The following NPAS3 variants were observed in gnomAD, a reference collection of about 807,000 sequenced individuals.
The protein encoded by NPAS3 is neuronal PAS domain protein 3.
A neutral mutation model predicts 73.1 loss-of-function variants in NPAS3; 14 were observed. The ratio of observed to expected loss-of-function variants is 0.19; its 90% CI spans 0.13 to 0.30. The LOEUF (loss-of-function observed/expected upper bound fraction) is 0.30, where lower values mean the gene tolerates loss of function less well. Among genes scored for constraint, NPAS3 ranks in the 10% least tolerant of loss-of-function variants. NPAS3 has a pLI of 1.00. For missense variants in NPAS3, 1,096 were observed against 1,250.0 expected (o/e 0.88, Z 1.86); for synonymous variants, 620 against 541.5 (o/e 1.14, Z -2.01).
intron 4 of NPAS3, among the ~76,000 whole-genome samples, chr14:33,542,476 T>C (rs10146393): frequency 0.34 from 52,424 of 151,956 alleles, 10,609 homozygotes; most frequent in African/African-American, 0.56. Flanking sequence ...CTCCTCCAGG[T>C]TCAGGGATGC....
exon 6 of NPAS3, chr14:33,676,322 G>C (rs1555432528): frequency 6.2e-7 from 1 of 1,611,838 alleles, no homozygotes; most frequent in East Asian, 2.2e-5. Flanking sequence ...CCTGTCACAG[G>C]GCACTGCTGA....
chr14:33,429,473 C>T (rs535337218), intron 4 of NPAS3, among the ~76,000 whole-genome samples: 1 of 152,246 alleles, frequency 6.6e-6, no homozygotes, highest in South Asian at 2.1e-4. Flanking sequence ...TGCAACCATA[C>T]CCAACATCAT....
intron 3 of NPAS3, among the ~76,000 whole-genome samples, chr14:33,226,958 A>G (rs1159689880): frequency 6.6e-6 from 1 of 152,246 alleles, no homozygotes; most frequent in Non-Finnish European, 1.5e-5. Context: ...AAATAGATGA[A>G]TACTATCCAG....
At chr14:33,545,153 T>C (rs1205232916) in intron 4 of NPAS3, among the ~76,000 whole-genome samples, 1 of 152,038 alleles carries the variant, frequency 6.6e-6, no homozygotes, top group Non-Finnish European at 1.5e-5. Flanking sequence ...AGGGAAATAT[T>C]TTTGACTATG....
intron 1 of NPAS3, among the ~76,000 whole-genome samples, chr14:33,023,728 T>C (rs1177498902): frequency 6.6e-6 from 1 of 152,202 alleles, no homozygotes; most frequent in African/African-American, 2.4e-5. Context: ...ATAGAGCTTT[T>C]GTCTTGAATA....
chr14:33,197,267 G>GTGTT (rs1555353807), intron 2 of NPAS3, among the ~76,000 whole-genome samples: 94 of 148,832 alleles, frequency 6.3e-4, no homozygotes, highest in East Asian at 4.1e-3. Context: ...GTGTGTGTGT[G>GTGTT]TTCTTTTTCA....
chr14:33,259,201 A>T (rs180997811), intron 3 of NPAS3, among the ~76,000 whole-genome samples: 204 of 152,302 alleles, frequency 1.3e-3, no homozygotes, highest in African/African-American at 4.8e-3. Flanking sequence ...GTTGCCTTTT[A>T]TCCCCCAGGT....
intron 3 of NPAS3, among the ~76,000 whole-genome samples, chr14:33,223,906 G>A (rs2047527489): frequency 6.6e-6 from 1 of 151,870 alleles, no homozygotes; most frequent in East Asian, 1.9e-4. Flanking sequence ...AATAAGACAG[G>A]AGAGTAAGAT....
intron 4 of NPAS3, among the ~76,000 whole-genome samples, chr14:33,473,843 G>T (rs1235140021): frequency 6.6e-6 from 1 of 152,180 alleles, no homozygotes; most frequent in Admixed American, 6.5e-5. Flanking sequence ...AGTGTTGTCT[G>T]TGGCTGCTTT....
intron 6 of NPAS3, among the ~76,000 whole-genome samples, chr14:33,731,852 G>GTA (rs2061410864): frequency 1.3e-5 from 2 of 152,122 alleles, no homozygotes; most frequent in South Asian, 4.1e-4. Context: ...GCCAAATAGA[G>GTA]TATATTTCTT....
Position 33,309,816 on chromosome 14 carries a change from T to C in NPAS3, c.386-57370T>C, listed in dbSNP as rs75049688. ...ACAATTATTTTCTGTAAGTCTGCCT[T>C]CCCCTGGCATGTTAAAAGGCGAATG... is the stretch of plus-strand genomic sequence containing the variant. On this transcript the variant is annotated intron_variant, in intron 3 of 11. Coordinates refer to ENST00000356141, the Ensembl canonical transcript of NPAS3. Among the ~76,000 whole-genome samples, 424 of 152,284 alleles carry C rather than the reference T, an allele frequency of 2.8e-3. 2 individuals carry two copies. Among genetic ancestry groups the C allele is most frequent in the African/African-American group, 9.5e-3 (395 of 41,572 alleles).
rs142056210 is a variant in NPAS3, at chr14:33,569,558, A to T, written c.558+9348A>T. On this transcript the variant is annotated intron_variant, in intron 5 of 11. Transcript: ENST00000356141. ...CCTTCCCTCTTGGCCTTCTCTCGCC[A>T]ATAGAAACATTGTTTTAGGACCCCA... Among the ~76,000 whole-genome samples, 5 of 152,260 alleles carry T rather than the reference A, an allele frequency of 3.3e-5. No individual in the cohort carries two copies. In the East Asian group the frequency reaches 9.6e-4, roughly 29 times the overall value.
intron 2 of NPAS3, among the ~76,000 whole-genome samples, chr14:33,108,474 A>G (rs897505743): frequency 1.3e-5 from 2 of 152,032 alleles, no homozygotes; most frequent in African/African-American, 4.8e-5. Context: ...TTACTGGCAA[A>G]TAACAAAAAG....
chr14:33,257,719 G>C (rs868115530), intron 3 of NPAS3, among the ~76,000 whole-genome samples: 1 of 152,018 alleles, frequency 6.6e-6, no homozygotes, highest in Non-Finnish European at 1.5e-5. Flanking sequence ...CCATTAACAG[G>C]TCACTCCAGG....
Position 33,308,527 on chromosome 14 carries a change from T to TATACACAC in NPAS3, c.386-58658_386-58657insTACACACA. The stretch of plus-strand genomic sequence containing the variant: ...TGCATAGTTTATATATATATATATA[T>TATACACAC]ACATACACACACACACACACACACA... On this transcript the variant is annotated intron_variant, in intron 3 of 11. Transcript: ENST00000356141. Among the ~76,000 whole-genome samples, 57 of 103,702 alleles carry TATACACAC rather than the reference T, an allele frequency of 5.5e-4. 3 individuals are homozygous for TATACACAC. Among genetic ancestry groups the TATACACAC allele is most frequent in the Non-Finnish European group, 7.9e-4 (42 of 53,500 alleles). The allele number at this position is 103,702 out of a possible 152,430, so 68.0% of individuals were successfully genotyped here. A position where few individuals can be genotyped will look rare whatever the true frequency, so the allele number is the denominator to read the frequency against.
chr14:33,392,531 A>AC (rs2047051898), intron 4 of NPAS3, among the ~76,000 whole-genome samples: 1 of 152,328 alleles, frequency 6.6e-6, no homozygotes, highest in East Asian at 1.9e-4. Flanking sequence ...GAAGAAAAGT[A>AC]CTGACGCTCG....
At chr14:33,659,837 A>G (rs2059256966) in intron 5 of NPAS3, among the ~76,000 whole-genome samples, 1 of 152,200 alleles carries the variant, frequency 6.6e-6, no homozygotes, top group African/African-American at 2.4e-5. Context: ...TGTTCAGACA[A>G]TAGAATACAT....
intron 3 of NPAS3, among the ~76,000 whole-genome samples, chr14:33,217,537 C>G (rs1163433899): frequency 6.6e-6 from 1 of 151,936 alleles, no homozygotes; most frequent in Non-Finnish European, 1.5e-5. Context: ...ATATATTATT[C>G]AAATGAAATG....
intron 2 of NPAS3, among the ~76,000 whole-genome samples, chr14:33,106,630 C>A (rs2042729761): frequency 6.6e-6 from 1 of 152,166 alleles, no homozygotes; most frequent in Non-Finnish European, 1.5e-5. Context: ...AGGAGAAAAG[C>A]TGTTATCTTT....
Sources: gnomAD v4.1 joint callset for allele counts (sites outside exome capture counted in the v4.1 genomes callset) on GRCh38, gnomAD v4.1.1 for gene constraint, MANE v1.5 for transcripts, NCBI Gene and HGNC (gene_info 2026-07-23, HGNC 2026-07-21) for gene names.